VPS13B: variants seen among roughly 807,000 people sequenced by gnomAD.
The protein encoded by VPS13B is intermembrane lipid transfer protein VPS13B.
A neutral mutation model predicts 426.4 loss-of-function variants in VPS13B; 285 were observed. The ratio of observed to expected loss-of-function variants is 0.67; its 90% CI spans 0.61 to 0.74. The LOEUF (loss-of-function observed/expected upper bound fraction) is 0.74. Ranked by LOEUF, VPS13B falls within the 30% of genes least tolerant of loss-of-function variation. VPS13B has a pLI of 0.00. For synonymous variants in VPS13B, 1,676 were observed against 1,676.4 expected, an observed-to-expected ratio of 1.00 and a Z score of 0.01; for missense variants, 4,537 against 4,782.6, an observed-to-expected ratio of 0.95 and a Z score of 1.51.
At chr8:99,689,645 C>T (rs1831566239) in intron 35 of VPS13B, among the ~76,000 whole-genome samples, 1 of 152,094 alleles carries the variant, frequency 6.6e-6, no homozygotes, top group South Asian at 2.1e-4. Context: ...TAATGGGATC[C>T]AATCTATTGA....
intron 43 of VPS13B, among the ~76,000 whole-genome samples, chr8:99,797,579 C>T (rs941124610): frequency 6.6e-6 from 1 of 152,126 alleles, no homozygotes. Flanking sequence ...AATATACTGT[C>T]AATTCAGTTG....
intron 25 of VPS13B, among the ~76,000 whole-genome samples, chr8:99,493,024 C>T (rs1176385576): frequency 1.3e-5 from 2 of 152,136 alleles, no homozygotes; most frequent in Admixed American, 6.6e-5. Context: ...TTATTATATA[C>T]GTAATTTATC....
chr8:99,275,828 G>T (rs1461749347), intron 19 of VPS13B, among the ~76,000 whole-genome samples: 1 of 152,154 alleles, frequency 6.6e-6, no homozygotes, highest in African/African-American at 2.4e-5. Context: ...ACTGAGAAAA[G>T]AAAAATGTAT....
intron 23 of VPS13B, among the ~76,000 whole-genome samples, chr8:99,453,279 C>T (rs1588395010): frequency 6.6e-6 from 1 of 152,124 alleles, no homozygotes. Flanking sequence ...TGTACTGTTA[C>T]AATTATTTTC....
At chr8:99,545,534 T>C (rs1391140063) in intron 30 of VPS13B, among the ~76,000 whole-genome samples, 5 of 152,114 alleles carry the variant, frequency 3.3e-5, no homozygotes, top group African/African-American at 1.2e-4. Context: ...CTGGTAGCTA[T>C]TGGGCAGCAT....
chr8:99,210,433 G>A (rs530647635), intron 17 of VPS13B, among the ~76,000 whole-genome samples: 1 of 152,142 alleles, frequency 6.6e-6, no homozygotes, highest in East Asian at 1.9e-4. Context: ...TATGGCCATT[G>A]GATTCCACTG....
chr8:99,248,206 C>T (rs1455518238), intron 17 of VPS13B, among the ~76,000 whole-genome samples: 2 of 152,070 alleles, frequency 1.3e-5, no homozygotes, highest in African/African-American at 4.8e-5. Context: ...GTCCCTATAA[C>T]ATTGTATAGT....
At chr8:99,298,545 T>C (rs536092311) in intron 19 of VPS13B, among the ~76,000 whole-genome samples, 2 of 152,216 alleles carry the variant, frequency 1.3e-5, no homozygotes, top group Admixed American at 1.3e-4. Context: ...TATACTTTTG[T>C]CTGATAGAAA....
In VPS13B at chr8:99,776,908, G is replaced by A; in HGVS notation, c.7381G>A (p.Ala2461Thr). 6.2e-7 allele frequency: 1 copy of A among 1,614,016 alleles called. No homozygotes were observed. Among genetic ancestry groups the A allele is most frequent in the Non-Finnish European group, 8.5e-7 (1 of 1,179,978 alleles). ...ATCCCTTTGCGTTTCTTTCCAGTTT[G>A]CTCACCTGGAATTCCATCTTTGTCA... The part of the protein sequence containing the change: ...VPSLCVSFQF[A>T]HLEFHLCHHL... Residue 2461 changes from alanine (A) to threonine (T), a missense_variant, in exon 41 of 62, where the codon GCT becomes ACT. By Grantham distance (58) the Ala-to-Thr change is moderately conservative (BLOSUM62 0). This residue lies in a region of VPS13B where 4,311 missense variants were observed against 4,474.3 expected (regional missense o/e 0.96). Transcript: ENST00000357162.
At chr8:99,147,807 AT>A in intron 13 of VPS13B, 33 bp from the exon 14 acceptor site, 1 of 1,318,184 alleles carries the variant, frequency 7.6e-7, no homozygotes, top group Non-Finnish European at 1.0e-6. Flanking sequence ...ATTTAAAAAT[AT>A]TCTTTATTAA....
rs562508351 is a variant in VPS13B, at chr8:99,442,667, T to C, written c.3445+32T>C. ...GTTAACATTTTTTTCCTATGGTTAATGTTTTATATGGACATTTTTAGATTT... is the reference window on the plus strand; with the variant it reads ...GTTAACATTTTTTTCCTATGGTTAACGTTTTATATGGACATTTTTAGATTT... On this transcript the variant is annotated intron_variant, in intron 23 of 61. Transcript: ENST00000357162. 9 of 1,586,736 alleles carry C rather than the reference T, an allele frequency of 5.7e-6. No individual in the cohort carries two copies. In the Admixed American group the frequency reaches 1.5e-4, roughly 27 times the overall value.
At chr8:99,273,922 G>GT (rs551807888) in intron 17 of VPS13B, among the ~76,000 whole-genome samples, 18 of 151,900 alleles carry the variant, frequency 1.2e-4, no homozygotes, top group Admixed American at 2.6e-4. Context: ...ATTATTTCTT[G>GT]TTTTTTTTAA....
chr8:99,346,290 G>A (rs1032028727), intron 19 of VPS13B: 7 of 152,290 alleles, frequency 4.6e-5, no homozygotes, highest in African/African-American at 1.7e-4. Flanking sequence ...GGGACAGCAG[G>A]TTGGTTTCTT....
chr8:99,568,924 G>T (rs954957200), intron 31 of VPS13B, among the ~76,000 whole-genome samples: 3 of 151,008 alleles, frequency 2.0e-5, no homozygotes, highest in African/African-American at 7.3e-5. Flanking sequence ...CCATTCTCCT[G>T]CCTCAGCCTC....
At chr8:99,606,199 C>T (rs1036843077) in intron 33 of VPS13B, among the ~76,000 whole-genome samples, 6 of 152,096 alleles carry the variant, frequency 3.9e-5, no homozygotes, top group African/African-American at 1.4e-4. Context: ...TCCAGCAGCC[C>T]GGGCTGAAAC....
At chr8:99,589,945 C>T (rs771003665) in intron 33 of VPS13B, among the ~76,000 whole-genome samples, 68 of 152,088 alleles carry the variant, frequency 4.5e-4, no homozygotes, top group Non-Finnish European at 4.3e-4. Flanking sequence ...TGATAGAATT[C>T]GGCTGTGAAT....
At chr8:99,293,776 A>G (rs1334218413) in intron 19 of VPS13B, among the ~76,000 whole-genome samples, 1 of 152,122 alleles carries the variant, frequency 6.6e-6, no homozygotes, top group Non-Finnish European at 1.5e-5. Flanking sequence ...GCAGCCAAAA[A>G]ATACATGAAA....
chr8:99,188,537 T>G (rs1034689212), intron 16 of VPS13B, among the ~76,000 whole-genome samples: 2 of 152,240 alleles, frequency 1.3e-5, no homozygotes, highest in African/African-American at 4.8e-5. Context: ...ATGAACATTC[T>G]TGTGCAATTT....
chr8:99,737,106 CTTTT>C (rs386413466), intron 39 of VPS13B, among the ~76,000 whole-genome samples: 493 of 44,226 alleles, frequency 0.011, 2 homozygotes, highest in African/African-American at 0.04. Flanking sequence ...AGATGTCCTT[CTTTT>C]TTTTTTTTTT....
Sources: gnomAD v4.1 joint callset for allele counts (sites outside exome capture counted in the v4.1 genomes callset) on GRCh38, gnomAD v4.1.1 for gene constraint, gnomAD v4.1.1 regional missense constraint, MANE v1.5 for transcripts, NCBI Gene and HGNC (gene_info 2026-07-23, HGNC 2026-07-21) for gene names.